The following REST variants were observed in gnomAD, a reference collection of about 807,000 sequenced individuals.
REST encodes RE1 silencing transcription factor.
In REST, 1 loss-of-function variant was observed where a neutral mutation model predicts 30.4. The observed-to-expected ratio is 0.03, with a 90% CI of 0.01 to 0.16. REST has a LOEUF of 0.16. Ranked by LOEUF, REST falls within the 10% of genes least tolerant of loss-of-function variation. REST has a pLI of 1.00. For missense variants in REST, 1,259 were observed against 1,329.5 expected, an observed-to-expected ratio of 0.95 and a Z score of 0.82; for synonymous variants, 504 against 451.1, an observed-to-expected ratio of 1.12 and a Z score of -1.49.
At position 56,930,749 on chromosome 4, in the gene REST, C is replaced by T. The variant is rs1338160539; in HGVS notation, c.1891C>T (p.Pro631Ser). The change falls in exon 4 of 4, where the codon CCA becomes TCA. Residue 631 changes from proline (P) to serine (S), a missense_variant. By Grantham distance (74) the Pro-to-Ser change is moderately conservative (BLOSUM62 -1). This residue lies in a region of REST where 856 missense variants were observed against 772.8 expected (regional missense o/e 1.11). Coordinates refer to ENST00000309042, the MANE Select transcript of REST (RefSeq NM_005612.5). ...VQKGPVQVEP[P>S]PPMEHAQMEG... is the part of the protein sequence containing the mutation. Reference sequence around the variant, plus strand: ...GAAGGGGCCCGTTCAGGTGGAGCCGCCACCTCCCATGGAGCATGCTCAGAT... The same window carrying T: ...GAAGGGGCCCGTTCAGGTGGAGCCGTCACCTCCCATGGAGCATGCTCAGAT... 1.2e-6 allele frequency: 2 copies of T among 1,600,344 alleles called. No homozygotes were observed. The highest frequency in any genetic ancestry group is 1.7e-4 in the Middle Eastern group (1 of 5,934).
At chr4:56,913,379 A>G (rs1011160346) in intron 2 of REST, among the ~76,000 whole-genome samples, 13 of 152,174 alleles carry the variant, frequency 8.5e-5, no homozygotes, top group African/African-American at 3.1e-4. Context: ...CTCATTTTTC[A>G]AATAAATGTT....
rs1304270021 is a variant in REST at position 56,922,297 on chromosome 4, T to C, written c.982+2427T>C. The C allele has an allele frequency of 2.9e-5, 4 of 137,474 alleles. 1 individual carries two copies. Among genetic ancestry groups the C allele is most frequent in the East Asian group, 2.0e-4 (1 of 4,938 alleles). The allele number at this position is 137,474 out of a possible 1,614,324, so 8.5% of individuals were successfully genotyped here. On this transcript the variant is annotated intron_variant, in intron 3 of 3. Coordinates refer to ENST00000309042, the MANE Select transcript of REST (RefSeq NM_005612.5). ...CTTTGTATTATTATTATTATTATTA[T>C]TATTATTATTATTATTACTTTTTTT... is the stretch of plus-strand genomic sequence containing the variant.
At chr4:56,913,354 T>C (rs1720022766) in intron 2 of REST, among the ~76,000 whole-genome samples, 1 of 152,194 alleles carries the variant, frequency 6.6e-6, no homozygotes, top group African/African-American at 2.4e-5. Context: ...GTTTTAAATA[T>C]TGTAATTGAG....
intron 3 of REST, among the ~76,000 whole-genome samples, chr4:56,921,416 TTTTTTCTGTTG>T (rs1720446089): frequency 2.6e-5 from 4 of 152,188 alleles, no homozygotes; most frequent in Admixed American, 2.6e-4. Context: ...TATTATTATT[TTTTTTCTGTTG>T]AGACAGAGTC....
Position 56,931,459 on chromosome 4 carries a change from G to A in REST, c.2601G>A (p.Leu867=). The A allele has an allele frequency of 6.2e-7, 1 of 1,614,160 alleles. No homozygotes were observed. ...ATCTCTCACCACCATCACCACCACT[G>A]CCAAAGGAAAATTTAAGAGAAGAGG... ...TEDLSPPSPP[L]PKENLREEAS... The change falls in exon 4 of 4, where the codon CTG becomes CTA. Residue 867 remains leucine, a synonymous_variant. Transcript: ENST00000309042.
In REST at chr4:56,923,393, G is replaced by A. The variant is rs565109251; in HGVS notation, c.982+3523G>A. On this transcript the variant is annotated intron_variant, in intron 3 of 3. Transcript: ENST00000309042. ...AGCCATCCTCTTGCCTCAGTCTCCT[G>A]AGTCGCTAGGTCTACTGGCACATGC... is the stretch of plus-strand genomic sequence containing the variant. Among the ~76,000 whole-genome samples the A allele has an allele frequency of 9.2e-5, 14 of 152,252 alleles. No individual in the cohort carries two copies. The South Asian group carries it at 1.2e-3, about 14-fold the overall frequency.
chr4:56,912,538 G>A (rs1719981525), intron 2 of REST, among the ~76,000 whole-genome samples: 3 of 150,102 alleles, frequency 2.0e-5, no homozygotes, highest in Admixed American at 2.0e-4. Flanking sequence ...TTTTTGAGAC[G>A]GAGTCTGGCT....
At position 56,934,645 on chromosome 4, in the gene REST, A is replaced by C. The variant is rs544429034; in HGVS notation, c.*2493A>C. The C allele has an allele frequency of 3.9e-4, 59 of 152,274 alleles. No homozygotes were observed. Among genetic ancestry groups the C allele is most frequent in the African/African-American group, 1.4e-3 (58 of 41,576 alleles). 9.4% of individuals were successfully genotyped at this position (152,274 alleles called of 1,614,324 possible). On this transcript the variant is annotated 3_prime_UTR_variant, in exon 4 of 4. Transcript: ENST00000309042. Reference sequence around the variant, plus strand: ...AGTATGAACTTCTGGTCCAGTTGGAAGTTTTTCCATTTGAAAAATGTGATG... The same window carrying C: ...AGTATGAACTTCTGGTCCAGTTGGACGTTTTTCCATTTGAAAAATGTGATG...
intron 3 of REST, among the ~76,000 whole-genome samples, chr4:56,925,785 C>G (rs371960886): frequency 6.6e-6 from 1 of 152,006 alleles, no homozygotes; most frequent in Non-Finnish European, 1.5e-5. Context: ...GTAAAAATTA[C>G]GGGAGAAAAA....
rs1277360128 is a variant in REST, at chr4:56,926,146, G to A, written c.983-3695G>A. ...ACGATTTCAGCTCACTGTAACCTCC[G>A]CCTCCTGGGTTCAAGTGATTCTCCT... On this transcript the variant is annotated intron_variant, in intron 3 of 3. Transcript: ENST00000309042. 5.3e-5 allele frequency among the ~76,000 whole-genome samples: 8 copies of A among 152,130 alleles called. No individual in the cohort carries two copies. The East Asian group carries it at 7.8e-4, about 15-fold the overall frequency.
chr4:56,912,845 C>T (rs28376561), intron 2 of REST, among the ~76,000 whole-genome samples: 5 of 152,020 alleles, frequency 3.3e-5, no homozygotes, highest in African/African-American at 1.2e-4. Context: ...GGGGTTTTGC[C>T]ATATTGGCCA....
At chr4:56,910,218 T>G (rs961294447) in intron 1 of REST, among the ~76,000 whole-genome samples, 7 of 152,234 alleles carry the variant, frequency 4.6e-5, no homozygotes, top group African/African-American at 1.7e-4. Context: ...TTCAGACCAT[T>G]GAACTGTTGA....
In REST at chr4:56,928,695, C is replaced by T. The variant is rs182590131; in HGVS notation, c.983-1146C>T. On this transcript the variant is annotated intron_variant, in intron 3 of 3. Coordinates refer to ENST00000309042, the MANE Select transcript of REST (RefSeq NM_005612.5). ...CCGCCTCCTGAGTTAAAGCAATTCT[C>T]GTGTCTCAGCCTCCCTAGTAGGTGG... Among the ~76,000 whole-genome samples, 126 of 151,984 alleles carry T rather than the reference C, an allele frequency of 8.3e-4. 2 individuals are homozygous for T. In the Middle Eastern group the frequency reaches 0.014, roughly 16 times the overall value.
intron 3 of REST, among the ~76,000 whole-genome samples, chr4:56,922,709 A>G (rs914851679): frequency 6.6e-6 from 1 of 152,206 alleles, no homozygotes; most frequent in Non-Finnish European, 1.5e-5. Context: ...AATGTAGGGC[A>G]TTGAAAAAAA....
intron 2 of REST, among the ~76,000 whole-genome samples, chr4:56,913,914 G>T (rs1720048345): frequency 6.6e-6 from 1 of 152,006 alleles, no homozygotes; most frequent in African/African-American, 2.4e-5. Flanking sequence ...AAAGTGCTGG[G>T]ATTACAGGCG....
intron 3 of REST, among the ~76,000 whole-genome samples, chr4:56,929,301 C>T (rs184425708): frequency 6.6e-6 from 1 of 152,106 alleles, no homozygotes; most frequent in African/African-American, 2.4e-5. Flanking sequence ...AAACTCCTGG[C>T]CTCAAGGTAT....
At chr4:56,921,344 CATT>C (rs1238142620) in intron 3 of REST, among the ~76,000 whole-genome samples, 3 of 152,182 alleles carry the variant, frequency 2.0e-5, no homozygotes, top group African/African-American at 7.2e-5. Context: ...GCTTTCGAAA[CATT>C]AGTAGTTTGA....
intron 3 of REST, among the ~76,000 whole-genome samples, chr4:56,920,241 A>C (rs1720385790): frequency 6.6e-6 from 1 of 151,958 alleles, no homozygotes; most frequent in South Asian, 2.1e-4. Context: ...CGTGTGGTTG[A>C]CAAGTGTCAG....
chr4:56,915,576 T>C (rs998665837), intron 2 of REST, among the ~76,000 whole-genome samples: 1 of 152,118 alleles, frequency 6.6e-6, no homozygotes, highest in Non-Finnish European at 1.5e-5. Context: ...AATTTGGTGA[T>C]GTATAGATTG....
Sources: gnomAD v4.1 joint callset for allele counts (sites outside exome capture counted in the v4.1 genomes callset) on GRCh38, gnomAD v4.1.1 for gene constraint, gnomAD v4.1.1 regional missense constraint, MANE v1.5 for transcripts, NCBI Gene and HGNC (gene_info 2026-07-23, HGNC 2026-07-21) for gene names.